Variants in IL10RB observed in about 807,000 individuals in gnomAD.
IL10RB encodes interleukin-10 receptor subunit beta.
Under a neutral mutation model 38.7 loss-of-function variants are expected in IL10RB, and 30 were observed. The ratio of observed to expected loss-of-function variants is 0.78; its 90% CI spans 0.58 to 1.05. IL10RB has a LOEUF of 1.05. Ranked by LOEUF, IL10RB falls within the 50% of genes least tolerant of loss-of-function variation. The probability of loss-of-function intolerance (pLI) is 0.00; values close to 1 mark genes in which losing one functional copy is unlikely to be tolerated. For missense variants in IL10RB, 328 were observed against 397.1 expected (o/e 0.83, Z 1.48); for synonymous variants, 142 against 145.9 (o/e 0.97, Z 0.19).
At chr21:33,289,545 G>A (rs965177551) in intron 6 of IL10RB, among the ~76,000 whole-genome samples, 3 of 152,164 alleles carry the variant, frequency 2.0e-5, no homozygotes, top group Admixed American at 6.5e-5. Flanking sequence ...CTGAGCCTCC[G>A]GTCCCCAAGC....
In IL10RB at chr21:33,278,541, A is replaced by G. The variant is rs8178482; in HGVS notation, c.332-1211A>G. 9.7e-4 allele frequency among the ~76,000 whole-genome samples: 147 copies of G among 152,284 alleles called. 2 individuals carry two copies. The highest frequency in any genetic ancestry group is 3.3e-3 in the African/African-American group (139 of 41,548). On this transcript the variant is annotated intron_variant, in intron 3 of 6. Coordinates refer to ENST00000290200, the MANE Select transcript of IL10RB (RefSeq NM_000628.5). ...GCTTACCAGGTCCTAACTTGTCCCA[A>G]ATCCTGTTAGCTCCCATCCATGGAA... is the stretch of plus-strand genomic sequence containing the variant.
rs555632414 is a variant in IL10RB, at chr21:33,309,727, A to G, written c.*746A>G. The G allele has an allele frequency of 1.2e-3, 190 of 152,320 alleles. 2 individuals are homozygous for G. Among genetic ancestry groups the G allele is most frequent in the African/African-American group, 4.2e-3 (173 of 41,564 alleles). The allele number at this position is 152,320 out of a possible 1,614,324, so 9.4% of individuals were successfully genotyped here. ...GCTTATGCATGCTTTCTGCGTCCCA[A>G]AAAGTATGTAGAGAATAACAGTTTA... On this transcript the variant is annotated 3_prime_UTR_variant, in exon 2 of 2. Transcript: ENST00000609556.
chr21:33,273,224 A>G (rs1277217900), intron 2 of IL10RB, among the ~76,000 whole-genome samples: 1 of 152,186 alleles, frequency 6.6e-6, no homozygotes, highest in Non-Finnish European at 1.5e-5. Context: ...ATCGTAACAC[A>G]ATGGTATTTG....
chr21:33,288,410 C>A, intron 6 of IL10RB, 149 bp downstream of exon 6: 1 of 681,972 alleles, frequency 1.5e-6, no homozygotes, highest in Non-Finnish European at 2.6e-6. Flanking sequence ...CACACAGACA[C>A]GCCTCTTGTG....
exon 2 of IL10RB, chr21:33,309,384 G>C (rs1010646138): frequency 3.9e-5 from 6 of 152,176 alleles, no homozygotes; most frequent in African/African-American, 1.2e-4. Context: ...ATAAGAAAGT[G>C]TTTACATTTG....
At chr21:33,269,768 C>T (rs1451945198) in intron 2 of IL10RB, among the ~76,000 whole-genome samples, 1 of 151,854 alleles carries the variant, frequency 6.6e-6, no homozygotes, top group Non-Finnish European at 1.5e-5. Flanking sequence ...ACGCCATTCT[C>T]CTGCCTCAGC....
intron 5 of IL10RB, among the ~76,000 whole-genome samples, chr21:33,284,314 A>G (rs1232720155): frequency 4.2e-5 from 3 of 72,060 alleles, no homozygotes; most frequent in Non-Finnish European, 1.1e-4. Flanking sequence ...AAAAAAAAAG[A>G]AAAGAAAACA....
intron 6 of IL10RB, among the ~76,000 whole-genome samples, chr21:33,293,480 G>A (rs1327496105): frequency 1.3e-5 from 2 of 152,158 alleles, no homozygotes; most frequent in Non-Finnish European, 2.9e-5. Flanking sequence ...ATGGCAAGTG[G>A]GGCACAGGAC....
chr21:33,279,635 A>G, intron 3 of IL10RB, 117 bp from the exon 4 acceptor site: 1 of 847,168 alleles, frequency 1.2e-6, no homozygotes, highest in Non-Finnish European at 2.0e-6. Context: ...TCATGACAAT[A>G]GTATATCAAA....
chr21:33,295,357 GAAAAA>G (rs59137986), intron 6 of IL10RB, among the ~76,000 whole-genome samples: 2 of 55,862 alleles, frequency 3.6e-5, no homozygotes, highest in South Asian at 5.9e-4. Context: ...GACTCCGTCT[GAAAAA>G]AAAAAAAAAA....
intron 5 of IL10RB, among the ~76,000 whole-genome samples, chr21:33,283,865 T>TA (rs1430228571): frequency 6.6e-6 from 1 of 152,194 alleles, no homozygotes; most frequent in African/African-American, 2.4e-5. Flanking sequence ...CAGTTGCATG[T>TA]TGGTGAAAAC....
intron 2 of IL10RB, among the ~76,000 whole-genome samples, chr21:33,273,901 T>G (rs1294918076): frequency 6.6e-6 from 1 of 152,248 alleles, no homozygotes; most frequent in Non-Finnish European, 1.5e-5. Flanking sequence ...GTTCCGCTTC[T>G]AATTCTAGTT....
At chr21:33,298,058 C>T (rs2082974960), downstream of IL10RB, among the ~76,000 whole-genome samples, 1 of 152,152 alleles carries the variant, frequency 6.6e-6, no homozygotes, top group Non-Finnish European at 1.5e-5. Context: ...CCTCAAGGGA[C>T]CTCAGGCTTC....
intron 1 of IL10RB, among the ~76,000 whole-genome samples, chr21:33,304,614 C>A (rs2082994255): frequency 6.6e-6 from 1 of 152,210 alleles, no homozygotes; most frequent in African/African-American, 2.4e-5. Context: ...AGGCCCCCTA[C>A]CTTTGAGCAT....
At chr21:33,303,553 C>G (rs2082991286) in intron 1 of IL10RB, among the ~76,000 whole-genome samples, 1 of 152,116 alleles carries the variant, frequency 6.6e-6, no homozygotes, top group Admixed American at 6.6e-5. Flanking sequence ...CGGGGTTTCA[C>G]TATGTTGGCC....
At chr21:33,279,011 G>A (rs1989231594) in intron 3 of IL10RB, among the ~76,000 whole-genome samples, 1 of 152,148 alleles carries the variant, frequency 6.6e-6, no homozygotes, top group Non-Finnish European at 1.5e-5. Flanking sequence ...CAATGAACGA[G>A]ACAAAATACC....
intron 1 of IL10RB, among the ~76,000 whole-genome samples, chr21:33,307,915 G>A (rs966153255): frequency 1.3e-5 from 2 of 152,114 alleles, no homozygotes; most frequent in African/African-American, 4.8e-5. Context: ...TTCACTCCTG[G>A]ATCCCCAGCC....
intron 1 of IL10RB, among the ~76,000 whole-genome samples, chr21:33,302,433 A>G (rs1305517678): frequency 3.3e-5 from 5 of 152,180 alleles, no homozygotes; most frequent in Admixed American, 6.5e-5. Flanking sequence ...ATCATCATCC[A>G]TCTCCAACTT....
chr21:33,275,545 G>C (rs955287486), intron 2 of IL10RB, among the ~76,000 whole-genome samples: 1 of 152,214 alleles, frequency 6.6e-6, no homozygotes, highest in Non-Finnish European at 1.5e-5. Context: ...TTTGGCTTAA[G>C]GGAATGGTGT....
Sources: allele counts gnomAD v4.1 joint callset (sites outside exome capture counted in the v4.1 genomes callset), GRCh38; gene constraint gnomAD v4.1.1; transcripts MANE v1.5; gene names NCBI Gene and HGNC (gene_info 2026-07-23, HGNC 2026-07-21).